Variants in SDK1 observed in about 807,000 individuals in gnomAD.
SDK1 encodes protein sidekick-1.
Under a neutral mutation model 245.5 loss-of-function variants are expected in SDK1, and 157 were observed. The ratio of observed to expected loss-of-function variants is 0.64; its 90% CI spans 0.56 to 0.73. The LOEUF is 0.73. SDK1 is among the 30% of genes least tolerant of loss of function. The pLI is 0.00. For synonymous variants in SDK1, 1,647 were observed against 1,278.5 expected, an observed-to-expected ratio of 1.29 and a Z score of -6.15; for missense variants, 3,583 against 3,002.3, an observed-to-expected ratio of 1.19 and a Z score of -4.52.
At chr7:4,113,540 C>G in intron 24 of SDK1, 101 bp downstream of exon 24, 1 of 1,382,196 alleles carries the variant, frequency 7.2e-7, no homozygotes, top group Non-Finnish European at 9.8e-7. Flanking sequence ...ACGCCTTTGT[C>G]CTAGTCAAAA....
intron 5 of SDK1, among the ~76,000 whole-genome samples, chr7:3,852,708 G>A (rs1489188971): frequency 2.7e-4 from 33 of 121,932 alleles, no homozygotes; most frequent in African/African-American, 6.7e-5. Context: ...CCGAGATCGC[G>A]CCACTGCACT....
intron 1 of SDK1, among the ~76,000 whole-genome samples, chr7:3,443,822 G>C (rs1397980846): frequency 1.3e-5 from 2 of 152,134 alleles, no homozygotes; most frequent in Non-Finnish European, 2.9e-5. Context: ...TCAGGCTAGT[G>C]ATATCACCAT....
At chr7:4,073,131 CG>C (rs1780367234) in intron 20 of SDK1, among the ~76,000 whole-genome samples, 2 of 152,298 alleles carry the variant, frequency 1.3e-5, no homozygotes, top group South Asian at 2.1e-4. Context: ...GGATGCCAAG[CG>C]GGAGGTACCC....
Position 3,577,448 on chromosome 7 carries a change from GC to G in SDK1, c.299-41628del, listed in dbSNP as rs146489025. On this transcript the variant is annotated intron_variant, in intron 1 of 44. Transcript: ENST00000404826. ...ACTGAGACGTGCTCCCTTTACTGTTGCCCCTGGACTTCATGGGCTTTCATGC... is the reference window on the plus strand; with the variant it reads ...ACTGAGACGTGCTCCCTTTACTGTTGCCCTGGACTTCATGGGCTTTCATGC... Among the ~76,000 whole-genome samples the G allele has an allele frequency of 5.1e-3, 774 of 152,030 alleles. 11 individuals carry two copies. The highest frequency in any genetic ancestry group is 0.017 in the South Asian group (84 of 4,818).
intron 5 of SDK1, among the ~76,000 whole-genome samples, chr7:3,866,756 C>T (rs915733995): frequency 3.3e-5 from 5 of 152,112 alleles, no homozygotes; most frequent in Non-Finnish European, 7.4e-5. Context: ...TCCCAGGGCA[C>T]AGGAATGGCA....
intron 30 of SDK1, among the ~76,000 whole-genome samples, chr7:4,154,223 T>G (rs1322245705): frequency 6.6e-6 from 1 of 152,174 alleles, no homozygotes; most frequent in Non-Finnish European, 1.5e-5. Flanking sequence ...CAAGTTTGTG[T>G]ATGTGATTAG....
At chr7:4,113,118 A>G (rs560997723) in intron 23 of SDK1, among the ~76,000 whole-genome samples, 171 bp from the exon 24 acceptor site, 1 of 152,210 alleles carries the variant, frequency 6.6e-6, no homozygotes, top group Admixed American at 6.5e-5. Context: ...CACAATTTGC[A>G]CTTTTAATGA....
intron 32 of SDK1, among the ~76,000 whole-genome samples, chr7:4,168,770 G>C (rs1469494650): frequency 6.6e-6 from 1 of 152,162 alleles, no homozygotes; most frequent in East Asian, 1.9e-4. Context: ...TCAGGGCGAG[G>C]TTGCTTGGCT....
intron 1 of SDK1, among the ~76,000 whole-genome samples, chr7:3,509,391 T>A (rs1782502845): frequency 6.6e-6 from 1 of 152,160 alleles, no homozygotes; most frequent in African/African-American, 2.4e-5. Context: ...ACCGTTACTT[T>A]TCTGTGTGTG....
At chr7:3,458,699 C>T (rs1780744516) in intron 1 of SDK1, among the ~76,000 whole-genome samples, 1 of 152,058 alleles carries the variant, frequency 6.6e-6, no homozygotes, top group African/African-American at 2.4e-5. Context: ...TTTGATGCAG[C>T]ATCATTATAA....
intron 1 of SDK1, among the ~76,000 whole-genome samples, chr7:3,535,022 C>T (rs563777055): frequency 6.6e-6 from 1 of 152,256 alleles, no homozygotes; most frequent in African/African-American, 2.4e-5. Context: ...TCCTGTAATC[C>T]CAGCACTTTG....
At chr7:4,003,027 A>T (rs906511765) in intron 14 of SDK1, among the ~76,000 whole-genome samples, 1 of 152,194 alleles carries the variant, frequency 6.6e-6, no homozygotes, top group East Asian at 1.9e-4. Context: ...AGGCCCCCCA[A>T]CACTGAGGAG....
intron 4 of SDK1, among the ~76,000 whole-genome samples, chr7:3,785,941 A>G (rs750318044): frequency 6.6e-6 from 1 of 152,240 alleles, no homozygotes; most frequent in Non-Finnish European, 1.5e-5. Context: ...TTTATTTCAA[A>G]TTAACAGTTT....
At chr7:4,261,118 C>G (rs1787974703) in intron 44 of SDK1, among the ~76,000 whole-genome samples, 1 of 152,156 alleles carries the variant, frequency 6.6e-6, no homozygotes, top group Non-Finnish European at 1.5e-5. Context: ...CTCTGGCTCC[C>G]TGCTACGCCT....
In SDK1 at chr7:3,388,245, T is replaced by A. The variant is rs148408764; in HGVS notation, c.298+86361T>A. Among the ~76,000 whole-genome samples the A allele has an allele frequency of 6.3e-3, 961 of 152,190 alleles. 6 individuals carry two copies. The highest frequency in any genetic ancestry group is 0.024 in the Middle Eastern group (7 of 294). On this transcript the variant is annotated intron_variant, in intron 1 of 44. Transcript: ENST00000404826. ...TAAATGCTGTGGATGTGTATATATT[T>A]TTATGTATGTAAAGTTCTGAGGTTG...
chr7:4,000,535 G>C (rs1159468120), intron 14 of SDK1, among the ~76,000 whole-genome samples: 1 of 152,122 alleles, frequency 6.6e-6, no homozygotes, highest in Non-Finnish European at 1.5e-5. Context: ...CCCTGCCACA[G>C]GTGCCTTTTC....
chr7:3,478,537 A>T (rs992955263), intron 1 of SDK1, among the ~76,000 whole-genome samples: 2 of 152,048 alleles, frequency 1.3e-5, no homozygotes, highest in African/African-American at 4.8e-5. Context: ...AAAGTTGCAT[A>T]TTCAGTTATC....
chr7:4,227,056 G>A (rs957530869), intron 40 of SDK1: 14 of 220,006 alleles, frequency 6.4e-5, no homozygotes, highest in African/African-American at 2.8e-4. Context: ...CTGTCCACTC[G>A]TAGTCCCCTG....
intron 1 of SDK1, among the ~76,000 whole-genome samples, chr7:3,536,923 TATTC>T (rs2128619442): frequency 6.6e-6 from 1 of 152,350 alleles, no homozygotes; most frequent in East Asian, 1.9e-4. Flanking sequence ...TATAAAACCA[TATTC>T]TTTATTGACT....
Sources: gnomAD v4.1 joint callset for allele counts (sites outside exome capture counted in the v4.1 genomes callset) on GRCh38, gnomAD v4.1.1 for gene constraint, MANE v1.5 for transcripts, NCBI Gene and HGNC (gene_info 2026-07-23, HGNC 2026-07-21) for gene names.